The following SLC6A20 variants were observed in gnomAD, a reference collection of about 807,000 sequenced individuals.
SLC6A20 encodes the protein sodium- and chloride-dependent transporter XTRP3.
A neutral mutation model predicts 64.3 loss-of-function variants in SLC6A20; 73 were observed. That is an observed-to-expected ratio of 1.14 (90% confidence interval 0.94 to 1.38). The LOEUF is 1.38. SLC6A20 is among the 40% of genes most tolerant of loss of function. The probability of loss-of-function intolerance (pLI) is 0.00; values close to 1 mark genes in which losing one functional copy is unlikely to be tolerated. For missense variants in SLC6A20, 725 were observed against 772.8 expected (o/e 0.94, Z 0.73); for synonymous variants, 347 against 329.6 (o/e 1.05, Z -0.57).
intron 3 of SLC6A20, among the ~76,000 whole-genome samples, chr3:45,779,504 A>G (rs989111363): frequency 6.6e-6 from 1 of 152,004 alleles, no homozygotes; most frequent in Non-Finnish European, 1.5e-5. Flanking sequence ...CTTCTAGGAG[A>G]ACTTAGGGGT....
chr3:45,777,402 C>T (rs1699988574), intron 3 of SLC6A20, among the ~76,000 whole-genome samples: 1 of 152,204 alleles, frequency 6.6e-6, no homozygotes, highest in Non-Finnish European at 1.5e-5. Flanking sequence ...TCAAAGCTGG[C>T]CACCAACAGT....
At chr3:45,761,357 A>G (rs1699679002) in intron 9 of SLC6A20, among the ~76,000 whole-genome samples, 1 of 151,908 alleles carries the variant, frequency 6.6e-6, no homozygotes. Flanking sequence ...TGCCACTTAC[A>G]TGGTCAGTCC....
At chr3:45,786,021 CCTT>C (rs1008678356) in intron 1 of SLC6A20, among the ~76,000 whole-genome samples, 1 of 152,182 alleles carries the variant, frequency 6.6e-6, no homozygotes, top group African/African-American at 2.4e-5. Flanking sequence ...GTGTGAGGGA[CCTT>C]CTGGCTGCAT....
chr3:45,796,175 A>T lies in SLC6A20; in HGVS notation c.121+124T>A, dbSNP rs1439780958. ...AACACTCCCGGGTCTGTAACTTCGG[A>T]CAAATCACGCTCGCTTTCCCGGCCT... On this transcript the variant is annotated intron_variant, in intron 1 of 10. Transcript: ENST00000358525. 8.1e-6 allele frequency: 12 copies of T among 1,478,734 alleles called. No homozygotes were observed. The East Asian group carries it at 3.1e-4, about 38-fold the overall frequency. 91.6% of individuals were successfully genotyped at this position (1,478,734 alleles called of 1,614,324 possible).
intron 4 of SLC6A20, 64 bp from the exon 5 acceptor site, chr3:45,772,679 C>T (rs1451427736): frequency 3.9e-6 from 5 of 1,286,530 alleles, no homozygotes; most frequent in Non-Finnish European, 5.5e-6. Flanking sequence ...CAGACCCATG[C>T]CCCATGGAAC....
intron 4 of SLC6A20, among the ~76,000 whole-genome samples, chr3:45,772,972 C>G (rs1333094865): frequency 1.3e-5 from 2 of 152,068 alleles, no homozygotes; most frequent in Non-Finnish European, 2.9e-5. Context: ...TTCAAAATTG[C>G]TAAAGAAATC....
chr3:45,773,874 T>A (rs1478653495), intron 4 of SLC6A20, among the ~76,000 whole-genome samples: 1 of 152,168 alleles, frequency 6.6e-6, no homozygotes, highest in African/African-American at 2.4e-5. Flanking sequence ...CACCCAAGAT[T>A]ATAAGAAACC....
intron 1 of SLC6A20, among the ~76,000 whole-genome samples, chr3:45,783,334 G>T (rs1460333781): frequency 6.6e-6 from 1 of 152,240 alleles, no homozygotes; most frequent in Non-Finnish European, 1.5e-5. Flanking sequence ...TGGATCCTCA[G>T]TTGTTAAGGT....
At chr3:45,770,436 G>A (rs1282857596) in intron 6 of SLC6A20, 65 bp from the exon 7 acceptor site, 42 of 1,576,634 alleles carry the variant, frequency 2.7e-5, no homozygotes, top group Non-Finnish European at 3.2e-5. Context: ...AAAGCCTCCC[G>A]TCAGCCTCTT....
Position 45,796,530 on chromosome 3 carries a change from C to T in SLC6A20, c.-111G>A. 4 of 1,085,742 alleles carry T rather than the reference C, an allele frequency of 3.7e-6. No individual in the cohort carries two copies. The highest frequency in any genetic ancestry group is 4.9e-6 in the Non-Finnish European group (4 of 820,836). 67.3% of individuals were successfully genotyped at this position (1,085,742 alleles called of 1,614,324 possible). On this transcript the variant is annotated 5_prime_UTR_variant, in exon 1 of 11. Transcript: ENST00000358525. ...CCGGCTCGGCTTGGGGGTGGCCCCG[C>T]GCCTCCGCCGCCGACGCAGCTAGCT...
intron 10 of SLC6A20, 109 bp downstream of exon 10, chr3:45,759,748 A>G: frequency 7.4e-7 from 1 of 1,342,914 alleles, no homozygotes; most frequent in South Asian, 1.4e-5. Flanking sequence ...GTCGTGACAA[A>G]TAACCTACCC....
intron 6 of SLC6A20, 36 bp from the exon 7 acceptor site, chr3:45,770,407 C>A: frequency 6.2e-7 from 1 of 1,605,908 alleles, no homozygotes; most frequent in Non-Finnish European, 8.5e-7. Flanking sequence ...CTTCACTGAT[C>A]AGAAAGGCAG....
In SLC6A20 at chr3:45,781,952, C is replaced by T. The variant is rs72893632; in HGVS notation, c.262+131G>A. 9.4e-4 allele frequency: 1,216 copies of T among 1,287,572 alleles called. 10 individuals carry two copies. In the African/African-American group the frequency reaches 0.017, roughly 18 times the overall value. 79.8% of individuals were successfully genotyped at this position (1,287,572 alleles called of 1,614,324 possible). A position where few individuals can be genotyped will look rare whatever the true frequency, so the allele number is the denominator to read the frequency against. Reference sequence around the variant, plus strand: ...TCATCCCCACCAGGCCATTTGTTCACCCCAGGCAAGAGCTCTCTCTTGGGC... The same window carrying T: ...TCATCCCCACCAGGCCATTTGTTCATCCCAGGCAAGAGCTCTCTCTTGGGC... On this transcript the variant is annotated intron_variant, in intron 2 of 10. Transcript: ENST00000358525.
In SLC6A20 at chr3:45,758,353, G is replaced by T; in HGVS notation, c.*625C>A. 1 of 1,163,800 alleles carries T rather than the reference G, an allele frequency of 8.6e-7. No homozygotes were observed. The highest frequency in any genetic ancestry group is 1.1e-6 in the Non-Finnish European group (1 of 885,056). The allele number at this position is 1,163,800 out of a possible 1,614,324, so 72.1% of individuals were successfully genotyped here. Reference sequence around the variant, plus strand: ...CAAACTGTAGTTGGGGCAATTTTTTGTAGAGAGGTCTGGTCCTGGACCCAC... The same window carrying T: ...CAAACTGTAGTTGGGGCAATTTTTTTTAGAGAGGTCTGGTCCTGGACCCAC... On this transcript the variant is annotated 3_prime_UTR_variant, in exon 11 of 11. Coordinates refer to ENST00000358525, the MANE Select transcript of SLC6A20 (RefSeq NM_020208.4).
At chr3:45,766,712 A>G (rs943888355) in intron 7 of SLC6A20, among the ~76,000 whole-genome samples, 6 of 152,230 alleles carry the variant, frequency 3.9e-5, no homozygotes, top group Middle Eastern at 3.2e-3. Context: ...AGAGAGAGAG[A>G]GAGAACTCTC....
chr3:45,779,950 C>T, intron 3 of SLC6A20, 59 bp downstream of exon 3: 1 of 1,535,060 alleles, frequency 6.5e-7, no homozygotes, highest in East Asian at 2.4e-5. Context: ...GCGGGTGGCC[C>T]TGTTTTTCTC....
chr3:45,778,421 G>A (rs1700010081), intron 3 of SLC6A20, among the ~76,000 whole-genome samples: 1 of 152,206 alleles, frequency 6.6e-6, no homozygotes, highest in East Asian at 1.9e-4. Flanking sequence ...ATGGAGGAGG[G>A]CTTCAAAGTA....
rs564660675 is a variant in SLC6A20, at chr3:45,796,402, C to T, written c.18G>A (p.Pro6=). The change falls in exon 1 of 11, where the codon CCG becomes CCA. Residue 6 remains proline (P), a synonymous_variant. Transcript: ENST00000358525. MEKAR[P]LWANSLQFVF... is the part of the protein sequence containing the mutation. ...CGAACTGTAGCGAGTTGGCCCACAG[C>T]GGCCGCGCTTTCTCCATGGCCCCGG... 2.5e-6 allele frequency: 4 copies of T among 1,612,338 alleles called. No homozygotes were observed. The highest frequency in any genetic ancestry group is 2.2e-5 in the South Asian group (2 of 90,962).
In SLC6A20 at chr3:45,775,969, A is replaced by G; in HGVS notation, c.374T>C (p.Val125Ala). 1.2e-6 allele frequency: 2 copies of G among 1,614,208 alleles called. No individual in the cohort carries two copies. Among genetic ancestry groups the G allele is most frequent in the South Asian group, 2.2e-5 (2 of 91,078 alleles). The change falls in exon 4 of 11, where the codon GTC (valine) becomes GCC (alanine). Residue 125 changes from valine to alanine, a missense_variant. Coordinates refer to ENST00000358525, the MANE Select transcript of SLC6A20 (RefSeq NM_020208.4). ...HSFQDPLPWS[V>A]CPLNGNHTGY... ...CGTGTGGTTACCATTCAGTGGGCAG[A>G]CAGACCACGGCAGGGGATCCTGTGG...
Sources: gnomAD v4.1 joint callset for allele counts (sites outside exome capture counted in the v4.1 genomes callset) on GRCh38, gnomAD v4.1.1 for gene constraint, MANE v1.5 for transcripts, NCBI Gene and HGNC (gene_info 2026-07-23, HGNC 2026-07-21) for gene names.